The following EEF2K variants were observed in gnomAD, a reference collection of about 807,000 sequenced individuals.
EEF2K encodes the protein eukaryotic elongation factor 2 kinase.
Under a neutral mutation model 93.8 loss-of-function variants are expected in EEF2K, and 70 were observed. That is an observed-to-expected ratio of 0.75 (90% confidence interval 0.62 to 0.91). The LOEUF (loss-of-function observed/expected upper bound fraction) is 0.91, where lower values mean the gene tolerates loss of function less well. EEF2K is among the 40% of genes least tolerant of loss of function. The pLI, the probability that EEF2K is intolerant of heterozygous loss-of-function variation, is 0.00. For synonymous variants in EEF2K, 376 were observed against 380.8 expected, an observed-to-expected ratio of 0.99 and a Z score of 0.15; for missense variants, 935 against 972.9, an observed-to-expected ratio of 0.96 and a Z score of 0.52.
chr16:22,256,881 TC>T lies in EEF2K; in HGVS notation c.754del (p.Arg252AlafsTer2). On this transcript the variant is annotated frameshift_variant, in exon 7 of 18. Coordinates refer to ENST00000263026, the MANE Select transcript of EEF2K (RefSeq NM_013302.5). LOFTEE classifies it high-confidence loss of function. ...TCTGGCTTTGTCCGCGATGACAACATCCGCCTGACGCCGCAGGTGAGGCCGA... is the reference window on the plus strand; with the variant it reads ...TCTGGCTTTGTCCGCGATGACAACATCGCCTGACGCCGCAGGTGAGGCCGA... ...SNSGFVRDDN[I>X]RLTPQAFSHF... 2 of 1,614,034 alleles carry T rather than the reference TC, an allele frequency of 1.2e-6. No individual in the cohort carries two copies. Among genetic ancestry groups the T allele is most frequent in the Non-Finnish European group, 1.7e-6 (2 of 1,180,014 alleles).
intron 2 of EEF2K, among the ~76,000 whole-genome samples, chr16:22,226,552 G>C (rs1237670588): frequency 2.1e-5 from 2 of 95,690 alleles, no homozygotes; most frequent in South Asian, 3.2e-4. Context: ...GTCTCGCTTT[G>C]TTGCCCAGGC....
At chr16:22,249,300 GAAA>G (rs966573894) in intron 4 of EEF2K, among the ~76,000 whole-genome samples, 2 of 126,944 alleles carry the variant, frequency 1.6e-5, no homozygotes, top group Admixed American at 7.9e-5. Flanking sequence ...GGCTTTTGAA[GAAA>G]AAAAAAAAAA....
intron 17 of EEF2K, among the ~76,000 whole-genome samples, chr16:22,283,602 C>T (rs11646610): frequency 0.15 from 23,467 of 152,088 alleles, 2,912 homozygotes; most frequent in African/African-American, 0.34. Flanking sequence ...ATACCCCAAA[C>T]CAACAGTAGT....
intron 6 of EEF2K, among the ~76,000 whole-genome samples, chr16:22,254,833 CG>C (rs2047384176): frequency 6.6e-6 from 1 of 151,800 alleles, no homozygotes; most frequent in African/African-American, 2.4e-5. Flanking sequence ...TTGGAAAGCC[CG>C]GGGTGGGGGG....
intron 1 of EEF2K, among the ~76,000 whole-genome samples, chr16:22,212,471 C>A (rs1205609338): frequency 6.6e-6 from 1 of 152,018 alleles, no homozygotes; most frequent in Admixed American, 6.6e-5. Flanking sequence ...ATTACAGGTA[C>A]ACACCACCAC....
chr16:22,221,300 A>G (rs1375047596), intron 1 of EEF2K, among the ~76,000 whole-genome samples: 1 of 152,058 alleles, frequency 6.6e-6, no homozygotes, highest in Non-Finnish European at 1.5e-5. Context: ...CAGCCTGGCC[A>G]ACATAGTGAG....
intron 4 of EEF2K, among the ~76,000 whole-genome samples, 169 bp downstream of exon 4, chr16:22,248,984 T>A (rs2047322405): frequency 6.6e-6 from 1 of 150,914 alleles, no homozygotes; most frequent in African/African-American, 2.4e-5. Flanking sequence ...TTTTTTTTTT[T>A]TTTTTTTGAG....
chr16:22,208,716 G>A (rs74913405), intron 1 of EEF2K, among the ~76,000 whole-genome samples: 13,266 of 150,806 alleles, frequency 0.088, 853 homozygotes, highest in East Asian at 0.29. Context: ...CCTGGCTGAC[G>A]GGGTGAAACC....
At chr16:22,281,174 G>A (rs1010647154) in intron 17 of EEF2K, among the ~76,000 whole-genome samples, 4 of 151,788 alleles carry the variant, frequency 2.6e-5, no homozygotes, top group African/African-American at 4.8e-5. Context: ...TGATCTGCCC[G>A]CCTCAGCCTC....
chr16:22,264,706 C>A, intron 12 of EEF2K, 112 bp from the exon 13 acceptor site: 1 of 1,177,296 alleles, frequency 8.5e-7, no homozygotes, highest in Non-Finnish European at 1.2e-6. Context: ...AGATAAGGGT[C>A]ACCTAGGAGG....
In EEF2K at chr16:22,251,338, A is replaced by G. The variant is rs765221591; in HGVS notation, c.618+16A>G. ...CCCCAAGCAGGTGCGTGGCCCCACT[A>G]CCTGCCCCCTTTCCATGCCAGGGCA... On this transcript the variant is annotated intron_variant, in intron 6 of 17. Coordinates refer to ENST00000263026, the MANE Select transcript of EEF2K (RefSeq NM_013302.5). The G allele has an allele frequency of 6.2e-7, 1 of 1,612,638 alleles. No individual in the cohort carries two copies. Among genetic ancestry groups the G allele is most frequent in the Admixed American group, 1.7e-5 (1 of 59,874 alleles).
chr16:22,272,909 CAG>C (rs1407330873), intron 15 of EEF2K, among the ~76,000 whole-genome samples: 2 of 152,252 alleles, frequency 1.3e-5, no homozygotes, highest in East Asian at 3.9e-4. Context: ...CTGCTGACCT[CAG>C]ATGATCCACC....
At chr16:22,227,920 C>T (rs992386468) in intron 2 of EEF2K, among the ~76,000 whole-genome samples, 20 of 148,712 alleles carry the variant, frequency 1.3e-4, no homozygotes, top group African/African-American at 5.0e-4. Flanking sequence ...AACATAGGAA[C>T]ACCCCATCTT....
chr16:22,271,670 A>G (rs1418462835), intron 15 of EEF2K, among the ~76,000 whole-genome samples: 2 of 151,850 alleles, frequency 1.3e-5, no homozygotes, highest in Non-Finnish European at 1.5e-5. Context: ...GAGCCACTGC[A>G]CTCCAGCCTG....
At chr16:22,275,461 G>C (rs970335640) in intron 16 of EEF2K, among the ~76,000 whole-genome samples, 1 of 151,868 alleles carries the variant, frequency 6.6e-6, no homozygotes, top group African/African-American at 2.4e-5. Flanking sequence ...TCCTGCCTCA[G>C]CCTCCCAAGT....
chr16:22,280,075 G>T (rs1567292144), intron 16 of EEF2K, 123 bp from the exon 17 acceptor site: 1 of 933,000 alleles, frequency 1.1e-6, no homozygotes. Flanking sequence ...GACAAGATAG[G>T]TCGTGAACCA....
At chr16:22,222,157 C>T (rs2047019720) in intron 1 of EEF2K, among the ~76,000 whole-genome samples, 2 of 152,088 alleles carry the variant, frequency 1.3e-5, no homozygotes, top group South Asian at 4.1e-4. Flanking sequence ...GTGGATTTTT[C>T]AGGGAAGTTT....
At chr16:22,247,037 CAAAAAAAAA>C (rs57073413) in intron 3 of EEF2K, among the ~76,000 whole-genome samples, 15 of 13,700 alleles carry the variant, frequency 1.1e-3, no homozygotes, top group East Asian at 7.3e-3. Flanking sequence ...GACTCCATCT[CAAAAAAAAA>C]AAAAAAAAAA....
intron 1 of EEF2K, among the ~76,000 whole-genome samples, chr16:22,214,407 A>C (rs532907642): frequency 6.6e-6 from 1 of 151,784 alleles, no homozygotes; most frequent in African/African-American, 2.4e-5. Flanking sequence ...GCACCATTGC[A>C]CTCCAGCCTG....
Sources: allele counts gnomAD v4.1 joint callset (sites outside exome capture counted in the v4.1 genomes callset), GRCh38; gene constraint gnomAD v4.1.1; transcripts MANE v1.5; gene names NCBI Gene and HGNC (gene_info 2026-07-23, HGNC 2026-07-21).